IL1RAPL2: variants seen among roughly 807,000 people sequenced by gnomAD.
IL1RAPL2 encodes X-linked interleukin-1 receptor accessory protein-like 2.
In IL1RAPL2, 3 loss-of-function variants were observed where a neutral mutation model predicts 44.1. The observed-to-expected ratio is 0.07, with a 90% CI of 0.03 to 0.18. The LOEUF is 0.18. Among genes scored for constraint, IL1RAPL2 ranks in the 10% least tolerant of loss-of-function variants. The pLI is 1.00. For missense variants in IL1RAPL2, 391 were observed against 496.4 expected (o/e 0.79, Z 2.02); for synonymous variants, 181 against 178.8 (o/e 1.01, Z -0.10).
chrX:104,673,680 A>G (rs1215120294), intron 2 of IL1RAPL2, among the ~76,000 whole-genome samples: 3 of 110,625 alleles, frequency 2.7e-5, no homozygotes, highest in Middle Eastern at 4.6e-3. Context: ...TCTGTAAATT[A>G]CCTTGGGCAG....
At position 104,567,064 on chromosome X, in the gene IL1RAPL2, C is replaced by T. The variant is rs1337860874; in HGVS notation, c.-20+13C>T. 4 of 112,965 alleles carry T rather than the reference C, an allele frequency of 3.5e-5. No homozygotes were observed. In the East Asian group the frequency reaches 8.5e-4, roughly 24 times the overall value. The allele number at this position is 112,965 out of a possible 1,213,427, so 9.3% of individuals were successfully genotyped here. A position where few individuals can be genotyped will look rare whatever the true frequency, so the allele number is the denominator to read the frequency against. On this transcript the variant is annotated intron_variant, in intron 1 of 10. Coordinates refer to ENST00000372582, the MANE Select transcript of IL1RAPL2 (RefSeq NM_017416.2). ...TTGCAAGACTCAGGTAATGTCCACTCGCAGAGCTGGAGAGTTGACTGGCAA... is the reference window on the plus strand; with the variant it reads ...TTGCAAGACTCAGGTAATGTCCACTTGCAGAGCTGGAGAGTTGACTGGCAA...
At chrX:104,731,967 C>G (rs1340372000) in intron 2 of IL1RAPL2, among the ~76,000 whole-genome samples, 2 of 112,182 alleles carry the variant, frequency 1.8e-5, no homozygotes, top group African/African-American at 6.5e-5. Flanking sequence ...ATAAACACCT[C>G]TTTCTCTGAC....
intron 4 of IL1RAPL2, 26 bp from the exon 5 acceptor site, chrX:105,267,362 C>T (rs1488396118): frequency 1.7e-6 from 2 of 1,175,013 alleles, no homozygotes; most frequent in Admixed American, 5.1e-5. Context: ...CTATTTTTTG[C>T]TTACTTGCAA....
At chrX:105,745,118 G>T (rs1248320108) in intron 8 of IL1RAPL2, among the ~76,000 whole-genome samples, 3 of 111,349 alleles carry the variant, frequency 2.7e-5, no homozygotes, top group Admixed American at 1.9e-4. Context: ...TCTGGTAGGG[G>T]CCTGTTCCTC....
At chrX:105,145,491 A>G (rs2033171726) in intron 2 of IL1RAPL2, among the ~76,000 whole-genome samples, 1 of 111,694 alleles carries the variant, frequency 9.0e-6, no homozygotes, top group Admixed American at 9.5e-5. Flanking sequence ...TTATTTACTA[A>G]GAATAGCATT....
In IL1RAPL2 at chrX:105,749,218, T is replaced by C. The variant is rs1380576033; in HGVS notation, c.1192+115T>C. 4.5e-6 allele frequency: 3 copies of C among 673,949 alleles called. No individual in the cohort carries two copies. The African/African-American group carries it at 6.6e-5, about 15-fold the overall frequency. The allele number at this position is 673,949 out of a possible 1,213,427, so 55.5% of individuals were successfully genotyped here. A position where few individuals can be genotyped will look rare whatever the true frequency, so the allele number is the denominator to read the frequency against. The stretch of plus-strand genomic sequence containing the variant: ...TGAAATATTTAGGGGTAAAGGGCTA[T>C]GGCAAGTTACTTACCTTTAAATAGT... On this transcript the variant is annotated intron_variant, in intron 9 of 10. Transcript: ENST00000372582.
intron 2 of IL1RAPL2, among the ~76,000 whole-genome samples, chrX:105,125,300 C>T (rs761063881): frequency 2.2e-4 from 24 of 110,209 alleles, no homozygotes; most frequent in African/African-American, 6.9e-4. Context: ...GTGTGTTGAA[C>T]GTATAATAAG....
chrX:105,033,034 C>A (rs2031542132), intron 2 of IL1RAPL2, among the ~76,000 whole-genome samples: 1 of 111,451 alleles, frequency 9.0e-6, no homozygotes, highest in African/African-American at 3.3e-5. Context: ...TTATCAGAGA[C>A]TAGGATTGCA....
intron 5 of IL1RAPL2, among the ~76,000 whole-genome samples, chrX:105,272,855 G>A (rs1162732766): frequency 8.9e-6 from 1 of 112,135 alleles, no homozygotes; most frequent in African/African-American, 3.2e-5. Flanking sequence ...CTTTCCTCTG[G>A]TGTGGAAAAT....
intron 3 of IL1RAPL2, among the ~76,000 whole-genome samples, chrX:105,204,270 T>C (rs1400603934): frequency 1.8e-5 from 2 of 111,588 alleles, no homozygotes; most frequent in Non-Finnish European, 3.8e-5. Flanking sequence ...TGTGTGGCTA[T>C]TGGAGTCTTC....
At chrX:105,527,436 T>TGTG (rs2036602142) in intron 6 of IL1RAPL2, among the ~76,000 whole-genome samples, 1 of 95,634 alleles carries the variant, frequency 1.0e-5, no homozygotes, top group Non-Finnish European at 2.1e-5. Flanking sequence ...TGAGAGTGTG[T>TGTG]TGTGTGTGTG....
intron 5 of IL1RAPL2, among the ~76,000 whole-genome samples, chrX:105,429,812 G>A (rs1185049350): frequency 2.7e-5 from 3 of 111,577 alleles, no homozygotes. Context: ...CTTAGCTTGA[G>A]TTTAACCCGT....
At chrX:105,071,947 T>C (rs1000666526) in intron 2 of IL1RAPL2, among the ~76,000 whole-genome samples, 1 of 111,955 alleles carries the variant, frequency 8.9e-6, no homozygotes, top group Non-Finnish European at 1.9e-5. Context: ...CTTCTTGACA[T>C]TGGTCTGAGC....
chrX:105,474,172 A>G (rs1032643771), intron 5 of IL1RAPL2, among the ~76,000 whole-genome samples: 1 of 111,899 alleles, frequency 8.9e-6, no homozygotes, highest in East Asian at 2.8e-4. Flanking sequence ...AAGAAAGAAT[A>G]ATATAATGTC....
At chrX:105,606,979 T>C (rs1192943091) in intron 6 of IL1RAPL2, among the ~76,000 whole-genome samples, 1 of 111,368 alleles carries the variant, frequency 9.0e-6, no homozygotes, top group Non-Finnish European at 1.9e-5. Flanking sequence ...TTCTAATGTT[T>C]CATATTTTTG....
At chrX:104,869,605 G>A (rs748867579) in intron 2 of IL1RAPL2, among the ~76,000 whole-genome samples, 3 of 111,289 alleles carry the variant, frequency 2.7e-5, no homozygotes, top group East Asian at 2.8e-4. Context: ...TGTGCACAAC[G>A]TGCAGGTTTG....
chrX:105,123,413 C>A (rs1022546830), intron 2 of IL1RAPL2, among the ~76,000 whole-genome samples: 11 of 111,175 alleles, frequency 9.9e-5, no homozygotes, highest in African/African-American at 3.3e-4. Flanking sequence ...TTATTTGAAC[C>A]AGTTAGCTTA....
At chrX:104,821,704 A>G (rs1304530920) in intron 2 of IL1RAPL2, among the ~76,000 whole-genome samples, 1 of 112,157 alleles carries the variant, frequency 8.9e-6, no homozygotes, top group Non-Finnish European at 1.9e-5. Context: ...TACAACAAAA[A>G]TACATGTGCA....
chrX:105,583,422 C>T (rs1445172038), intron 6 of IL1RAPL2, among the ~76,000 whole-genome samples: 2 of 111,880 alleles, frequency 1.8e-5, no homozygotes, highest in Non-Finnish European at 3.8e-5. Context: ...GCGTGAGCTA[C>T]GGCGCCCGGC....
Sources: allele counts gnomAD v4.1 joint callset (sites outside exome capture counted in the v4.1 genomes callset), GRCh38; gene constraint gnomAD v4.1.1; transcripts MANE v1.5; gene names NCBI Gene and HGNC (gene_info 2026-07-23, HGNC 2026-07-21).